Variants in SLC35F4 observed in about 807,000 individuals in gnomAD.
The protein encoded by SLC35F4 is solute carrier family 35 member F4.
SLC35F4 carries 24 observed loss-of-function variants against 44.2 expected under a neutral mutation model. That is an observed-to-expected ratio of 0.54 (90% CI 0.39 to 0.76). SLC35F4 has a LOEUF of 0.76. Ranked by LOEUF, SLC35F4 falls within the 30% of genes least tolerant of loss-of-function variation. SLC35F4 has a pLI of 0.00. For missense variants in SLC35F4, 562 were observed against 586.1 expected, an observed-to-expected ratio of 0.96 and a Z score of 0.42; for synonymous variants, 238 against 223.6, an observed-to-expected ratio of 1.06 and a Z score of -0.57.
chr14:57,750,941 G>C (rs1437979292), intron 1 of SLC35F4, among the ~76,000 whole-genome samples: 1 of 152,110 alleles, frequency 6.6e-6, no homozygotes, highest in Non-Finnish European at 1.5e-5. Context: ...TAGTCAACAA[G>C]GCTTTGGATT....
chr14:57,742,684 G>A (rs1408401238), intron 1 of SLC35F4, among the ~76,000 whole-genome samples: 1 of 152,068 alleles, frequency 6.6e-6, no homozygotes, highest in Non-Finnish European at 1.5e-5. Context: ...ATTTAAAAAG[G>A]ATATCCAGGA....
At chr14:57,637,990 T>TA (rs904021127) in intron 1 of SLC35F4, among the ~76,000 whole-genome samples, 3 of 152,106 alleles carry the variant, frequency 2.0e-5, no homozygotes, top group Non-Finnish European at 4.4e-5. Context: ...CTCTTTGTGA[T>TA]AATAACAAAT....
chr14:57,813,762 T>C (rs1364818615), intron 1 of SLC35F4, among the ~76,000 whole-genome samples: 1 of 152,008 alleles, frequency 6.6e-6, no homozygotes, highest in Non-Finnish European at 1.5e-5. Flanking sequence ...TCCAGAACAA[T>C]GGGCACTGGC....
At chr14:57,745,537 C>A (rs1412832581) in intron 1 of SLC35F4, among the ~76,000 whole-genome samples, 8 of 152,150 alleles carry the variant, frequency 5.3e-5, no homozygotes, top group African/African-American at 1.9e-4. Flanking sequence ...CAATGAGATT[C>A]CATCTCACAC....
intron 1 of SLC35F4, among the ~76,000 whole-genome samples, chr14:57,832,848 T>A (rs1595167554): frequency 6.6e-6 from 1 of 152,168 alleles, no homozygotes; most frequent in Non-Finnish European, 1.5e-5. Context: ...TGATAAAAAA[T>A]TTTTTCACAT....
intron 1 of SLC35F4, among the ~76,000 whole-genome samples, chr14:57,924,664 GTCTTGA>G (rs1032443609): frequency 6.6e-6 from 1 of 151,958 alleles, no homozygotes; most frequent in Non-Finnish European, 1.5e-5. Context: ...AGCCAGGATG[GTCTTGA>G]TCTCCTGACC....
rs114361838 is a variant in SLC35F4, at chr14:57,878,034, G to A, written n.282+103879C>T. On this transcript the variant is annotated intron_variant and non_coding_transcript_variant, in intron 1 of 1. Transcript: ENST00000556568. ...TCTGACTGATGTGAGATGGTATCTC[G>A]TTGTGGTTTTGGGTTTGCATTTTTC... Among the ~76,000 whole-genome samples, 217 of 151,976 alleles carry A rather than the reference G, an allele frequency of 1.4e-3. 1 individual carries two copies. The highest frequency in any genetic ancestry group is 4.7e-3 in the African/African-American group (193 of 41,470).
Position 57,759,245 on chromosome 14 carries a change from C to CAAAA in SLC35F4, c.103+106477_103+106478insTTTT, listed in dbSNP as rs1384517007. Among the ~76,000 whole-genome samples the CAAAA allele has an allele frequency of 9.2e-5, 14 of 151,878 alleles. No individual in the cohort carries two copies. The East Asian group carries it at 2.5e-3, about 27-fold the overall frequency. On this transcript the variant is annotated intron_variant, in intron 1 of 7. Coordinates refer to ENST00000556826, the MANE Select transcript of SLC35F4 (RefSeq NM_001306087.2). ...TATTTCAGTTATTTTGGTTATATAC[C>CAAAA]CAGAAGTGTAACTGCTGGATCATAT... is the stretch of plus-strand genomic sequence containing the variant.
At chr14:57,789,467 A>G (rs1418000386) in intron 1 of SLC35F4, among the ~76,000 whole-genome samples, 1 of 152,186 alleles carries the variant, frequency 6.6e-6, no homozygotes, top group Non-Finnish European at 1.5e-5. Flanking sequence ...ATCCCTCAAT[A>G]GATCAATAAC....
intron 4 of SLC35F4, chr14:57,580,859 C>A (rs2069199978): frequency 1.1e-5 from 2 of 176,488 alleles, no homozygotes; most frequent in Non-Finnish European, 2.4e-5. Flanking sequence ...TTGAAAAATG[C>A]AAACCATAAT....
Position 57,806,457 on chromosome 14 carries a change from A to T in SLC35F4, c.103+59266T>A, listed in dbSNP as rs1052847075. ...AAACACACACCAATCATGTCTCCAA[A>T]TTTTAATTATTTTCAGCCAAATAGA... On this transcript the variant is annotated intron_variant, in intron 1 of 7. Coordinates refer to ENST00000556826, the MANE Select transcript of SLC35F4 (RefSeq NM_001306087.2). Among the ~76,000 whole-genome samples the T allele has an allele frequency of 1.2e-4, 19 of 152,192 alleles. 1 individual carries two copies. The South Asian group carries it at 1.7e-3, about 13-fold the overall frequency.
In SLC35F4 at chr14:57,873,076, G is replaced by A. The variant is rs144157911; in HGVS notation, n.282+108837C>T. On this transcript the variant is annotated intron_variant and non_coding_transcript_variant, in intron 1 of 1. Transcript: ENST00000556568. ...GTTGCAGCCACATTTTCCATTGTCC[G>A]TTTCAGTGATACGGGCTGTATAAAC... Among the ~76,000 whole-genome samples, 859 of 152,266 alleles carry A rather than the reference G, an allele frequency of 5.6e-3. 3 individuals are homozygous for A. Among genetic ancestry groups the A allele is most frequent in the African/African-American group, 0.018 (766 of 41,536 alleles).
At chr14:57,833,530 G>A (rs1884596919) in intron 1 of SLC35F4, among the ~76,000 whole-genome samples, 1 of 152,164 alleles carries the variant, frequency 6.6e-6, no homozygotes, top group Admixed American at 6.5e-5. Flanking sequence ...CAAGGCCTGG[G>A]AGACATTCAC....
chr14:57,625,198 A>T (rs1175519557), intron 1 of SLC35F4, among the ~76,000 whole-genome samples: 1 of 152,202 alleles, frequency 6.6e-6, no homozygotes, highest in Non-Finnish European at 1.5e-5. Flanking sequence ...ACTCCCATTC[A>T]CAATTGCTAC....
intron 1 of SLC35F4, among the ~76,000 whole-genome samples, chr14:57,784,756 G>C (rs2077715280): frequency 6.6e-6 from 1 of 152,040 alleles, no homozygotes; most frequent in South Asian, 2.1e-4. Context: ...TTTTTATAAA[G>C]TTACACCAAG....
intron 1 of SLC35F4, among the ~76,000 whole-genome samples, chr14:57,774,501 G>A (rs942079517): frequency 3.9e-5 from 6 of 152,194 alleles, no homozygotes; most frequent in Non-Finnish European, 5.9e-5. Context: ...CCCTAGGCTC[G>A]ACTTGCTCCT....
chr14:57,979,302 G>C (rs1467436804), intron 1 of SLC35F4, among the ~76,000 whole-genome samples: 1 of 152,114 alleles, frequency 6.6e-6, no homozygotes, highest in East Asian at 1.9e-4. Flanking sequence ...CAATTCCAAG[G>C]GTACTCTATG....
At chr14:57,761,089 C>T (rs919463847) in intron 1 of SLC35F4, among the ~76,000 whole-genome samples, 2 of 152,156 alleles carry the variant, frequency 1.3e-5, no homozygotes, top group Non-Finnish European at 2.9e-5. Flanking sequence ...ACTCTCTCTC[C>T]AGGAATAAGC....
At chr14:57,839,875 T>G (rs1470526653) in intron 1 of SLC35F4, among the ~76,000 whole-genome samples, 2 of 152,138 alleles carry the variant, frequency 1.3e-5, no homozygotes, top group African/African-American at 4.8e-5. Flanking sequence ...GAGCCAGAGT[T>G]AAGAACTTTA....
Sources: allele counts gnomAD v4.1 joint callset (sites outside exome capture counted in the v4.1 genomes callset), GRCh38; gene constraint gnomAD v4.1.1; transcripts MANE v1.5; gene names NCBI Gene and HGNC (gene_info 2026-07-23, HGNC 2026-07-21).